Variants in CSNK1G2 observed in about 807,000 individuals in gnomAD.
CSNK1G2 encodes the protein casein kinase 1 gamma 2, also known as casein kinase I isoform gamma-2.
Under a neutral mutation model 48.0 loss-of-function variants are expected in CSNK1G2, and 11 were observed. That is an observed-to-expected ratio of 0.23 (90% CI 0.14 to 0.38). CSNK1G2 has a LOEUF of 0.38. Ranked by LOEUF, CSNK1G2 falls within the 10% of genes least tolerant of loss-of-function variation. CSNK1G2 has a pLI of 1.00. For synonymous variants in CSNK1G2, 337 were observed against 254.1 expected, an observed-to-expected ratio of 1.33 and a Z score of -3.10; for missense variants, 446 against 595.5, an observed-to-expected ratio of 0.75 and a Z score of 2.61.
intron 1 of CSNK1G2, among the ~76,000 whole-genome samples, chr19:1,950,523 C>T (rs951182779): frequency 6.8e-6 from 1 of 147,074 alleles, no homozygotes; most frequent in African/African-American, 2.6e-5. Context: ...AGAAGATGTT[C>T]TTTCACAAAC....
chr19:1,942,384 T>C (rs2014399818), intron 1 of CSNK1G2: 1 of 152,394 alleles, frequency 6.6e-6, no homozygotes, highest in Non-Finnish European at 1.5e-5. Flanking sequence ...CTTATTCCTG[T>C]GGCCTCCGGA....
intron 1 of CSNK1G2, among the ~76,000 whole-genome samples, chr19:1,950,277 C>G (rs1474428788): frequency 6.6e-6 from 1 of 151,514 alleles, no homozygotes; most frequent in Non-Finnish European, 1.5e-5. Flanking sequence ...GTAGCTGGGA[C>G]TACAGGCACC....
rs1378024902 is a variant in CSNK1G2, at chr19:1,980,023, G to A, written c.1193+6G>A. On this transcript the variant is annotated splice_donor_region_variant and intron_variant, in intron 11 of 11. Transcript: ENST00000255641. The stretch of plus-strand genomic sequence containing the variant: ...GAGGTGGCCGATGAAACCAAGTAAG[G>A]CTCTGGGGCGGTGCCTTCGGGGAGG... The A allele has an allele frequency of 1.3e-6, 2 of 1,581,094 alleles. No individual in the cohort carries two copies. Among genetic ancestry groups the A allele is most frequent in the Admixed American group, 3.6e-5 (2 of 56,268 alleles).
At chr19:1,967,586 A>G (rs1403114266) in intron 1 of CSNK1G2, among the ~76,000 whole-genome samples, 1 of 152,070 alleles carries the variant, frequency 6.6e-6, no homozygotes, top group Non-Finnish European at 1.5e-5. Flanking sequence ...CTTGAGGGCG[A>G]CGAGGTGACA....
rs2014349729 is a variant in CSNK1G2, at chr19:1,941,335, C to T, written c.-349C>T. 1 of 146,990 alleles carries T rather than the reference C, an allele frequency of 6.8e-6. No homozygotes were observed. The highest frequency in any genetic ancestry group is 1.5e-5 in the Non-Finnish European group (1 of 66,032). The allele number at this position is 146,990 out of a possible 1,614,324, so 9.1% of individuals were successfully genotyped here. ...GCCGGAGCGCGAGGGGGCGCGGGGC[C>T]CGGAGCGGGGGTCCGCGCTGCGCTG... On this transcript the variant is annotated 5_prime_UTR_variant, in exon 1 of 12. Coordinates refer to ENST00000255641, the MANE Select transcript of CSNK1G2 (RefSeq NM_001319.7).
At chr19:1,956,742 G>A (rs547417709) in intron 1 of CSNK1G2, among the ~76,000 whole-genome samples, 17 of 152,260 alleles carry the variant, frequency 1.1e-4, no homozygotes, top group African/African-American at 3.1e-4. Context: ...CTCCAGCATC[G>A]GGACACGGGG....
Position 1,978,521 on chromosome 19 carries a change from G to A in CSNK1G2, c.298+10G>A, listed in dbSNP as rs933683318. On this transcript the variant is annotated intron_variant, in intron 4 of 11. Transcript: ENST00000255641. This position sits in a 1 kb window ranked among gnomAD's most constrained non-coding sequence, Gnocchi z 7.3. ...CAGCTCAGCGCCACAGGTACCGGGCGGCCCGCGGGTGGGGCGGGGGCTGCG... is the reference window on the plus strand; with the variant it reads ...CAGCTCAGCGCCACAGGTACCGGGCAGCCCGCGGGTGGGGCGGGGGCTGCG... The A allele has an allele frequency of 1.2e-5, 19 of 1,575,554 alleles. No individual in the cohort carries two copies. Among genetic ancestry groups the A allele is most frequent in the Non-Finnish European group, 1.5e-5 (18 of 1,161,870 alleles).
chr19:1,964,093 G>A (rs2015287562), intron 1 of CSNK1G2, among the ~76,000 whole-genome samples: 1 of 151,998 alleles, frequency 6.6e-6, no homozygotes, highest in Admixed American at 6.6e-5. Flanking sequence ...CAAGGTGCTG[G>A]GATTACAGGC....
At chr19:1,959,138 G>C (rs888382136) in intron 1 of CSNK1G2, 1 of 152,218 alleles carries the variant, frequency 6.6e-6, no homozygotes, top group Non-Finnish European at 1.5e-5. Flanking sequence ...TCATGAGGCT[G>C]TGTCTCTGTC....
intron 1 of CSNK1G2, among the ~76,000 whole-genome samples, chr19:1,947,967 C>CGTCCTCGTT (rs3052993): frequency 1.3e-5 from 2 of 151,978 alleles, no homozygotes; most frequent in South Asian, 4.1e-4. Flanking sequence ...AGCTCGTCCT[C>CGTCCTCGTT]GTGCCCGGGC....
intron 1 of CSNK1G2, among the ~76,000 whole-genome samples, chr19:1,944,558 C>T (rs1261796305): frequency 6.6e-6 from 1 of 152,076 alleles, no homozygotes; most frequent in Non-Finnish European, 1.5e-5. Context: ...GGTGGCCCTG[C>T]GGCCAGGGGA....
intron 1 of CSNK1G2, among the ~76,000 whole-genome samples, chr19:1,963,070 A>T (rs1293001386): frequency 6.6e-6 from 1 of 152,150 alleles, no homozygotes; most frequent in African/African-American, 2.4e-5. Context: ...CTCCAGGCTC[A>T]ATGAGACACG....
intron 2 of CSNK1G2, chr19:1,974,976 A>G: frequency 1.3e-6 from 1 of 781,314 alleles, no homozygotes; most frequent in Non-Finnish European, 1.6e-6. Context: ...CAGAGCCCAG[A>G]GCGCCCGACC....
intron 1 of CSNK1G2, among the ~76,000 whole-genome samples, chr19:1,955,108 C>G (rs149005801): frequency 2.0e-5 from 3 of 152,284 alleles, no homozygotes; most frequent in African/African-American, 7.2e-5. Context: ...GGCTCTTCCT[C>G]CTTGGTGATG....
intron 1 of CSNK1G2, chr19:1,952,698 C>T (rs191993232): frequency 7.9e-6 from 2 of 254,052 alleles, no homozygotes; most frequent in African/African-American, 2.4e-5. Context: ...GAGGGTCATG[C>T]GCCTAGCAGG....
At chr19:1,964,304 A>C (rs1029687756) in intron 1 of CSNK1G2, among the ~76,000 whole-genome samples, 4 of 120,990 alleles carry the variant, frequency 3.3e-5, no homozygotes, top group Admixed American at 1.7e-4. Context: ...AAAAAAAAAC[A>C]AAAAAAAACC....
At chr19:1,971,766 C>CT (rs60024174) in intron 2 of CSNK1G2, among the ~76,000 whole-genome samples, 22,166 of 116,168 alleles carry the variant, frequency 0.19, 2,998 homozygotes, top group East Asian at 0.27. Context: ...GTGATGCCAG[C>CT]TTTTTTTTTT....
At chr19:1,943,566 G>C (rs1229320280) in intron 1 of CSNK1G2, among the ~76,000 whole-genome samples, 1 of 152,100 alleles carries the variant, frequency 6.6e-6, no homozygotes, top group Non-Finnish European at 1.5e-5. Flanking sequence ...CAGTATGCCA[G>C]CCATTAATTT....
chr19:1,947,973 C>G (rs1328705497), intron 1 of CSNK1G2, among the ~76,000 whole-genome samples: 1 of 143,884 alleles, frequency 7.0e-6, no homozygotes, highest in African/African-American at 2.6e-5. Flanking sequence ...TCCTCGTGCC[C>G]GGGCACTGGC....
Sources: gnomAD v4.1 joint callset for allele counts (sites outside exome capture counted in the v4.1 genomes callset) on GRCh38, gnomAD v4.1.1 for gene constraint, Gnocchi (gnomAD v3.1) non-coding constraint, MANE v1.5 for transcripts, NCBI Gene and HGNC (gene_info 2026-07-23, HGNC 2026-07-21) for gene names.